Variants in STK10 observed in about 807,000 individuals in gnomAD.
The protein encoded by STK10 is serine/threonine-protein kinase 10.
In STK10, 78 loss-of-function variants were observed where a neutral mutation model predicts 113.8. That is an observed-to-expected ratio of 0.69 (90% CI 0.57 to 0.83). The LOEUF is 0.83. Ranked by LOEUF, STK10 falls within the 40% of genes least tolerant of loss-of-function variation. The pLI is 0.00. For synonymous variants in STK10, 465 were observed against 494.7 expected (o/e 0.94, Z 0.80); for missense variants, 1,109 against 1,280.1 (o/e 0.87, Z 2.04).
At chr5:172,150,716 G>A (rs1439118051) in intron 2 of STK10, among the ~76,000 whole-genome samples, 1 of 152,220 alleles carries the variant, frequency 6.6e-6, no homozygotes. Context: ...CCAGCAACGT[G>A]TGGTCATATG....
chr5:172,139,129 C>T (rs1769927391), intron 2 of STK10, among the ~76,000 whole-genome samples: 1 of 152,204 alleles, frequency 6.6e-6, no homozygotes, highest in Non-Finnish European at 1.5e-5. Context: ...ACATGATCTA[C>T]AGATTCATTG....
chr5:172,076,501 G>A (rs914430044), intron 12 of STK10, among the ~76,000 whole-genome samples: 1 of 151,252 alleles, frequency 6.6e-6, no homozygotes, highest in African/African-American at 2.4e-5. Flanking sequence ...CTGTGCGTTA[G>A]TTGTGGGGGC....
At chr5:172,170,725 G>A (rs573242568) in intron 1 of STK10, among the ~76,000 whole-genome samples, 1 of 152,338 alleles carries the variant, frequency 6.6e-6, no homozygotes. Context: ...CAACTTGGCT[G>A]GGGATGTGGG....
chr5:172,153,467 A>G (rs1770288329), intron 2 of STK10, among the ~76,000 whole-genome samples: 1 of 152,216 alleles, frequency 6.6e-6, no homozygotes, highest in South Asian at 2.1e-4. Context: ...CCATGATTAC[A>G]AATTCTGAAC....
intron 12 of STK10, among the ~76,000 whole-genome samples, chr5:172,068,830 A>G (rs1375938842): frequency 1.3e-5 from 2 of 151,840 alleles, no homozygotes; most frequent in East Asian, 1.9e-4. Context: ...GGTTGCAGTG[A>G]GCCAAGATCA....
At chr5:172,074,377 A>T (rs1435174999) in intron 12 of STK10, among the ~76,000 whole-genome samples, 2 of 152,238 alleles carry the variant, frequency 1.3e-5, no homozygotes, top group Non-Finnish European at 2.9e-5. Context: ...GAATCCAGAA[A>T]TACCACATAC....
intron 12 of STK10, among the ~76,000 whole-genome samples, chr5:172,076,792 A>G (rs17074274): frequency 0.21 from 32,130 of 152,090 alleles, 4,428 homozygotes; most frequent in African/African-American, 0.38. Flanking sequence ...GTCTGCCAAA[A>G]TGCCTTTCGA....
intron 2 of STK10, among the ~76,000 whole-genome samples, chr5:172,142,411 C>A (rs184505354): frequency 1.3e-5 from 2 of 152,186 alleles, no homozygotes; most frequent in African/African-American, 4.8e-5. Flanking sequence ...ACAAAGAGAA[C>A]CCGATGTGTG....
intron 1 of STK10, among the ~76,000 whole-genome samples, chr5:172,162,518 G>A (rs1472385425): frequency 1.3e-5 from 2 of 151,906 alleles, no homozygotes; most frequent in African/African-American, 2.4e-5. Flanking sequence ...GCTGATTTCT[G>A]TACATCCCCA....
intron 12 of STK10, among the ~76,000 whole-genome samples, chr5:172,073,935 A>G (rs562892328): frequency 6.6e-6 from 1 of 151,438 alleles, no homozygotes; most frequent in South Asian, 2.1e-4. Flanking sequence ...ACTACACTCC[A>G]GTCTAGGTGA....
rs192608950 is a variant in STK10 at position 172,108,665 on chromosome 5, G to T, written c.521-813C>A. On this transcript the variant is annotated intron_variant, in intron 4 of 18. Coordinates refer to ENST00000176763, the MANE Select transcript of STK10 (RefSeq NM_005990.4). ...CCAGGTGTGGTGGCATGTCCCTGCAGTCCCAATTACTTGGGAGGCTGAGGT... is the reference window on the plus strand; with the variant it reads ...CCAGGTGTGGTGGCATGTCCCTGCATTCCCAATTACTTGGGAGGCTGAGGT... 7.1e-4 allele frequency among the ~76,000 whole-genome samples: 108 copies of T among 151,312 alleles called. 1 individual carries two copies. The highest frequency in any genetic ancestry group is 2.4e-3 in the African/African-American group (100 of 41,268).
chr5:172,087,107 A>AGTGTGT (rs201052929), intron 10 of STK10, among the ~76,000 whole-genome samples: 4,405 of 128,894 alleles, frequency 0.034, 152 homozygotes, highest in African/African-American at 0.079. Context: ...AGATGACACC[A>AGTGTGT]GTGTGTGTGT....
chr5:172,117,398 A>G, intron 4 of STK10, 83 bp downstream of exon 4: 2 of 1,556,012 alleles, frequency 1.3e-6, no homozygotes, highest in Non-Finnish European at 1.7e-6. Flanking sequence ...TGAGGTCCAC[A>G]CTCCCACTGG....
intron 2 of STK10, among the ~76,000 whole-genome samples, chr5:172,144,259 G>A (rs1262258688): frequency 1.3e-5 from 2 of 152,258 alleles, no homozygotes; most frequent in African/African-American, 4.8e-5. Context: ...GTAGCCACGG[G>A]CAAGCTGCTT....
At chr5:172,057,198 C>G (rs982766957) in intron 15 of STK10, 151 bp downstream of exon 15, 56 of 1,145,784 alleles carry the variant, frequency 4.9e-5, no homozygotes, top group Non-Finnish European at 6.5e-5. Flanking sequence ...GGAGAACCTC[C>G]TGGGGCCTCA....
chr5:172,168,400 C>T (rs1426870938), intron 1 of STK10, among the ~76,000 whole-genome samples: 1 of 152,168 alleles, frequency 6.6e-6, no homozygotes, highest in Non-Finnish European at 1.5e-5. Flanking sequence ...AAGGGGGTGA[C>T]CTGAGGACAG....
chr5:172,058,765 C>T (rs1767859448), intron 14 of STK10, among the ~76,000 whole-genome samples: 1 of 152,008 alleles, frequency 6.6e-6, no homozygotes, highest in Non-Finnish European at 1.5e-5. Flanking sequence ...TGGTGTGCAC[C>T]TGTAATCACA....
chr5:172,183,812 TC>T (rs1770905172), intron 1 of STK10, among the ~76,000 whole-genome samples: 1 of 152,186 alleles, frequency 6.6e-6, no homozygotes, highest in Non-Finnish European at 1.5e-5. Flanking sequence ...TCTTTTGAAA[TC>T]AATTTGCATT....
intron 13 of STK10, among the ~76,000 whole-genome samples, chr5:172,062,064 G>A (rs1429466939): frequency 6.6e-6 from 1 of 151,118 alleles, no homozygotes; most frequent in Non-Finnish European, 1.5e-5. Context: ...TGCAACCTCA[G>A]CCTCCCAGGT....
Sources: allele counts gnomAD v4.1 joint callset (sites outside exome capture counted in the v4.1 genomes callset), GRCh38; gene constraint gnomAD v4.1.1; transcripts MANE v1.5; gene names NCBI Gene and HGNC (gene_info 2026-07-23, HGNC 2026-07-21).